The following EPHA3 variants were observed in gnomAD, a reference collection of about 807,000 sequenced individuals.
The protein encoded by EPHA3 is ephrin type-A receptor 3.
In EPHA3, 42 loss-of-function variants were observed where a neutral mutation model predicts 107.1. The ratio of observed to expected loss-of-function variants is 0.39; its 90% CI spans 0.31 to 0.51. EPHA3 has a LOEUF of 0.51. EPHA3 is among the 20% of genes least tolerant of loss of function. The pLI, the probability that EPHA3 is intolerant of heterozygous loss-of-function variation, is 0.78. For synonymous variants in EPHA3, 461 were observed against 424.8 expected, an observed-to-expected ratio of 1.09 and a Z score of -1.05; for missense variants, 1,183 against 1,211.2, an observed-to-expected ratio of 0.98 and a Z score of 0.35.
chr3:89,245,065 C>A (rs1460578019), intron 3 of EPHA3, among the ~76,000 whole-genome samples: 4 of 152,060 alleles, frequency 2.6e-5, no homozygotes, highest in Non-Finnish European at 5.9e-5. Context: ...ACCAAACCAG[C>A]GGTTTGTTTG....
At chr3:89,148,921 T>A (rs116038488) in intron 2 of EPHA3, among the ~76,000 whole-genome samples, 1 of 152,038 alleles carries the variant, frequency 6.6e-6, no homozygotes, top group African/African-American at 2.4e-5. Context: ...TATTATTTCA[T>A]TGGAGTCATA....
chr3:89,237,148 G>T lies in EPHA3; in HGVS notation c.814+26628G>T, dbSNP rs141174400. Among the ~76,000 whole-genome samples, 804 of 152,178 alleles carry T rather than the reference G, an allele frequency of 5.3e-3. 6 individuals carry two copies. Among genetic ancestry groups the T allele is most frequent in the African/African-American group, 0.016 (666 of 41,528 alleles). Reference sequence around the variant, plus strand: ...AGGCCAAGGCGGTTGGATCACTTGAGGCCACGAGTTCAAGACCAGCCTGGC... The same window carrying T: ...AGGCCAAGGCGGTTGGATCACTTGATGCCACGAGTTCAAGACCAGCCTGGC... On this transcript the variant is annotated intron_variant, in intron 3 of 16. Transcript: ENST00000336596.
chr3:89,268,398 T>A (rs924832934), intron 3 of EPHA3, among the ~76,000 whole-genome samples: 1 of 152,122 alleles, frequency 6.6e-6, no homozygotes, highest in Non-Finnish European at 1.5e-5. Flanking sequence ...TTAGAAACAA[T>A]AAGAAAGGTT....
chr3:89,254,761 A>G (rs1020208042), intron 3 of EPHA3, among the ~76,000 whole-genome samples: 2 of 152,240 alleles, frequency 1.3e-5, no homozygotes, highest in African/African-American at 2.4e-5. Context: ...TCAATGTGTG[A>G]CTACCACTTT....
At chr3:89,440,703 G>A (rs368859687) in intron 13 of EPHA3, among the ~76,000 whole-genome samples, 18 of 152,144 alleles carry the variant, frequency 1.2e-4, no homozygotes, top group African/African-American at 4.3e-4. Flanking sequence ...TAGGCAAAGT[G>A]GACAAGGTTT....
intron 5 of EPHA3, among the ~76,000 whole-genome samples, chr3:89,380,995 C>T (rs967986345): frequency 1.1e-4 from 16 of 148,036 alleles, no homozygotes; most frequent in African/African-American, 2.6e-4. Flanking sequence ...TTTTTTGAGA[C>T]AGAGTCTCGC....
At chr3:89,401,693 T>C (rs1708967160) in intron 7 of EPHA3, among the ~76,000 whole-genome samples, 1 of 152,122 alleles carries the variant, frequency 6.6e-6, no homozygotes, top group Admixed American at 6.5e-5. Flanking sequence ...CTGCAACCTC[T>C]GCCTCCCTGA....
At chr3:89,338,650 G>A (rs772379518) in intron 3 of EPHA3, among the ~76,000 whole-genome samples, 5 of 152,180 alleles carry the variant, frequency 3.3e-5, no homozygotes, top group South Asian at 2.1e-4. Flanking sequence ...CCTGGTTCCC[G>A]CCATTCTCCT....
At chr3:89,352,862 C>A (rs1254901162) in intron 5 of EPHA3, among the ~76,000 whole-genome samples, 1 of 129,138 alleles carries the variant, frequency 7.7e-6, no homozygotes, top group Non-Finnish European at 1.6e-5. Context: ...GAGATGGCAC[C>A]ATTGCACTCC....
rs146885968 is a variant in EPHA3 at position 89,378,226 on chromosome 3, C to T, written c.1307-17611C>T. 2.2e-3 allele frequency among the ~76,000 whole-genome samples: 331 copies of T among 150,934 alleles called. 5 individuals are homozygous for T. The East Asian group carries it at 0.05, about 23-fold the overall frequency. Reference sequence around the variant, plus strand: ...TGTATACCTATGCAACAAAGGGGGACGTTCTACACATGTATCCTAGAACTT... The same window carrying T: ...TGTATACCTATGCAACAAAGGGGGATGTTCTACACATGTATCCTAGAACTT... On this transcript the variant is annotated intron_variant, in intron 5 of 16. Transcript: ENST00000336596.
At chr3:89,472,344 C>A in intron 15 of EPHA3, 120 bp from the exon 16 acceptor site, 1 of 1,091,334 alleles carries the variant, frequency 9.2e-7, no homozygotes, top group South Asian at 1.7e-5. Flanking sequence ...ATAAATTCCA[C>A]AAATGAAAGG....
chr3:89,138,630 G>A (rs766883354), intron 2 of EPHA3, among the ~76,000 whole-genome samples: 3 of 151,758 alleles, frequency 2.0e-5, no homozygotes, highest in Non-Finnish European at 4.4e-5. Context: ...TGATCAGGGA[G>A]GATAGTGTAA....
Position 89,107,781 on chromosome 3 carries a change from C to A in EPHA3, c.33C>A (p.Leu11=), listed in dbSNP as rs1250832742. ...GTCAGCTCTCCATCCTCCTCCTTCT[C>A]AGCTGCTCTGTTCTCGACAGCTTCG... is the stretch of plus-strand genomic sequence containing the variant. The part of the protein sequence containing the change: MDCQLSILLL[L]SCSVLDSFGE... Residue 11 remains leucine (L), a synonymous_variant, in exon 1 of 17, where the codon CTC becomes CTA. Transcript: ENST00000336596. 2 of 1,614,084 alleles carry A rather than the reference C, an allele frequency of 1.2e-6. No individual in the cohort carries two copies. Among genetic ancestry groups the A allele is most frequent in the African/African-American group, 2.7e-5 (2 of 74,948 alleles).
At chr3:89,431,038 G>A (rs762837405) in intron 12 of EPHA3, 112 bp from the exon 13 acceptor site, 15 of 1,071,054 alleles carry the variant, frequency 1.4e-5, no homozygotes, top group Non-Finnish European at 1.9e-5. Context: ...TAGGACTAAA[G>A]TGTGTATAGT....
rs375121172 is a variant in EPHA3, at chr3:89,155,779, T to G, written c.153+28506T>G. On this transcript the variant is annotated intron_variant, in intron 2 of 16. Transcript: ENST00000336596. ...GAGTTCCCTTGAGAGAGTGAAAATA[T>G]GGTCTTAGTGATTTCTTTTATGAGA... is the stretch of plus-strand genomic sequence containing the variant. Among the ~76,000 whole-genome samples the G allele has an allele frequency of 2.2e-4, 34 of 152,192 alleles. No homozygotes were observed. The East Asian group carries it at 2.3e-3, about 10-fold the overall frequency.
intron 3 of EPHA3, among the ~76,000 whole-genome samples, chr3:89,304,019 A>C (rs1706552907): frequency 6.6e-6 from 1 of 152,066 alleles, no homozygotes; most frequent in African/African-American, 2.4e-5. Context: ...ACATCTTTAG[A>C]CCATTTTCTT....
intron 2 of EPHA3, among the ~76,000 whole-genome samples, chr3:89,203,401 T>C (rs781518366): frequency 9.2e-5 from 14 of 151,376 alleles, no homozygotes; most frequent in Non-Finnish European, 1.8e-4. Flanking sequence ...TATGAGACAT[T>C]TGTCCAAAGG....
intron 5 of EPHA3, among the ~76,000 whole-genome samples, chr3:89,355,141 G>A (rs956120127): frequency 1.3e-5 from 2 of 150,716 alleles, no homozygotes; most frequent in African/African-American, 4.9e-5. Context: ...ATCTGTCTCT[G>A]GTCACAAGTT....
At chr3:89,430,166 T>C (rs1316496238) in intron 12 of EPHA3, among the ~76,000 whole-genome samples, 1 of 152,122 alleles carries the variant, frequency 6.6e-6, no homozygotes, top group East Asian at 1.9e-4. Flanking sequence ...TTCAAGACAA[T>C]ACCAATTACC....
Sources: allele counts gnomAD v4.1 joint callset (sites outside exome capture counted in the v4.1 genomes callset), GRCh38; gene constraint gnomAD v4.1.1; transcripts MANE v1.5; gene names NCBI Gene and HGNC (gene_info 2026-07-23, HGNC 2026-07-21).